Variants in ROBO2 observed in about 807,000 individuals in gnomAD.
ROBO2 encodes roundabout homolog 2.
A neutral mutation model predicts 160.8 loss-of-function variants in ROBO2; 53 were observed. The ratio of observed to expected loss-of-function variants is 0.33; its 90% CI spans 0.26 to 0.41. The LOEUF is 0.41. ROBO2 is among the 10% of genes least tolerant of loss of function. ROBO2 has a pLI of 1.00. For missense variants in ROBO2, 1,577 were observed against 1,722.4 expected, an observed-to-expected ratio of 0.92 and a Z score of 1.49; for synonymous variants, 664 against 611.7, an observed-to-expected ratio of 1.09 and a Z score of -1.26.
intron 2 of ROBO2, among the ~76,000 whole-genome samples, chr3:76,567,808 T>TATATA (rs56837327): frequency 1.8e-3 from 114 of 64,398 alleles, no homozygotes; most frequent in African/African-American, 6.0e-3. Flanking sequence ...TATATATATA[T>TATATA]TTTTTTTTTT....
At chr3:76,985,183 C>T (rs2060303873) in intron 2 of ROBO2, among the ~76,000 whole-genome samples, 1 of 152,034 alleles carries the variant, frequency 6.6e-6, no homozygotes, top group Non-Finnish European at 1.5e-5. Flanking sequence ...AATTAATAAT[C>T]ATAATGTTAA....
chr3:77,141,557 T>C (rs1224909236), intron 2 of ROBO2, among the ~76,000 whole-genome samples: 1 of 152,232 alleles, frequency 6.6e-6, no homozygotes, highest in Non-Finnish European at 1.5e-5. Context: ...TTATTCATTA[T>C]GGTAATGGCA....
intron 2 of ROBO2, among the ~76,000 whole-genome samples, chr3:77,161,341 T>C (rs1222759041): frequency 6.6e-6 from 1 of 152,244 alleles, no homozygotes; most frequent in East Asian, 1.9e-4. Flanking sequence ...TATTCAAATA[T>C]AGGCTTCATT....
intron 2 of ROBO2, among the ~76,000 whole-genome samples, chr3:76,220,425 C>T (rs1703888578): frequency 6.6e-6 from 1 of 151,816 alleles, no homozygotes; most frequent in South Asian, 2.1e-4. Flanking sequence ...TGTAAAAGCT[C>T]GATCCTCACA....
chr3:77,284,340 C>A (rs1030495967), intron 2 of ROBO2, among the ~76,000 whole-genome samples: 2 of 152,118 alleles, frequency 1.3e-5, no homozygotes, highest in African/African-American at 4.8e-5. Flanking sequence ...GCATTAGGTT[C>A]CTCATCTGTA....
chr3:76,760,566 A>G (rs577998140), intron 2 of ROBO2, among the ~76,000 whole-genome samples: 5 of 151,826 alleles, frequency 3.3e-5, no homozygotes, highest in African/African-American at 1.2e-4. Flanking sequence ...GAGATCCCCA[A>G]CCAGCTGTTT....
intron 2 of ROBO2, among the ~76,000 whole-genome samples, chr3:76,321,805 G>A (rs558857647): frequency 6.6e-6 from 1 of 152,262 alleles, no homozygotes; most frequent in South Asian, 2.1e-4. Flanking sequence ...GGCAGGACAC[G>A]TCATATGATG....
intron 2 of ROBO2, among the ~76,000 whole-genome samples, chr3:77,401,074 T>C (rs145623678): frequency 4.8e-4 from 73 of 152,220 alleles, no homozygotes; most frequent in African/African-American, 1.6e-3. Context: ...ATAGAAGCCA[T>C]GAACATAGAG....
At chr3:76,655,439 C>CATATATATATATATATATAT (rs747521584) in intron 2 of ROBO2, among the ~76,000 whole-genome samples, 1,131 of 57,678 alleles carry the variant, frequency 0.02, 112 homozygotes, top group East Asian at 0.051. Context: ...GATTTTTTTC[C>CATATATATATATATATATAT]ATATATATAT....
At chr3:77,221,538 C>T (rs1390715482) in intron 2 of ROBO2, among the ~76,000 whole-genome samples, 1 of 152,038 alleles carries the variant, frequency 6.6e-6, no homozygotes, top group East Asian at 1.9e-4. Flanking sequence ...TTGTCCGCCC[C>T]CTCTTCTCTC....
chr3:76,080,405 T>G (rs1384434941), intron 2 of ROBO2, among the ~76,000 whole-genome samples: 1 of 152,206 alleles, frequency 6.6e-6, no homozygotes, highest in Non-Finnish European at 1.5e-5. Flanking sequence ...TGTGCGGGAC[T>G]TCGGGTGGAA....
chr3:77,348,148 G>A (rs1051619333), intron 2 of ROBO2, among the ~76,000 whole-genome samples: 3 of 152,050 alleles, frequency 2.0e-5, no homozygotes, highest in Admixed American at 6.6e-5. Flanking sequence ...GAGCAAGAAC[G>A]AATTCAGGGA....
At chr3:76,678,984 A>T (rs567002734) in intron 2 of ROBO2, among the ~76,000 whole-genome samples, 28 of 152,278 alleles carry the variant, frequency 1.8e-4, no homozygotes, top group African/African-American at 6.7e-4. Flanking sequence ...CTCTAGTCAC[A>T]TGTTATGGAA....
intron 2 of ROBO2, among the ~76,000 whole-genome samples, chr3:76,147,410 G>A (rs929620821): frequency 3.3e-5 from 5 of 151,906 alleles, no homozygotes; most frequent in South Asian, 4.2e-4. Context: ...AGTAAAGGGT[G>A]TGTGTGCATA....
intron 2 of ROBO2, among the ~76,000 whole-genome samples, chr3:77,370,569 C>T (rs918232981): frequency 1.3e-5 from 2 of 152,178 alleles, no homozygotes; most frequent in African/African-American, 4.8e-5. Context: ...CAATTTAGAT[C>T]CTGTGGAAGA....
chr3:76,085,228 T>TAAG (rs3037994), intron 2 of ROBO2, among the ~76,000 whole-genome samples: 102,126 of 151,652 alleles, frequency 0.67, 35,554 homozygotes, highest in African/African-American at 0.86. Flanking sequence ...CTAAAGTTCT[T>TAAG]AATCATTGAC....
chr3:76,727,541 C>T (rs1017034790), intron 2 of ROBO2, among the ~76,000 whole-genome samples: 2 of 152,084 alleles, frequency 1.3e-5, no homozygotes, highest in Non-Finnish European at 2.9e-5. Context: ...GTGGTATAAA[C>T]ATACAACGGA....
rs1029692349 is a variant in ROBO2, at chr3:75,998,394, C to A, written c.109+60792C>A. 2.6e-5 allele frequency among the ~76,000 whole-genome samples: 4 copies of A among 152,134 alleles called. 1 individual carries two copies. Among genetic ancestry groups the A allele is most frequent in the Middle Eastern group, 3.2e-3 (1 of 316 alleles). ...GACCAATCAGGGTTTTAATAGACTG[C>A]AGTTTTTGTAGAACTCCTCTACCAA... On this transcript the variant is annotated intron_variant, in intron 2 of 26. Coordinates refer to the ROBO2 transcript ENST00000487694.
chr3:76,757,983 C>G (rs2061079055), intron 2 of ROBO2, among the ~76,000 whole-genome samples: 1 of 151,748 alleles, frequency 6.6e-6, no homozygotes, highest in African/African-American at 2.4e-5. Flanking sequence ...TCTAGGAGGC[C>G]ACGGTGTCTC....
Sources: gnomAD v4.1 joint callset for allele counts (sites outside exome capture counted in the v4.1 genomes callset) on GRCh38, gnomAD v4.1.1 for gene constraint, MANE v1.5 for transcripts, NCBI Gene and HGNC (gene_info 2026-07-23, HGNC 2026-07-21) for gene names.